Variants in TAF3 observed in about 807,000 individuals in gnomAD.
TAF3 encodes transcription initiation factor TFIID subunit 3.
A neutral mutation model predicts 80.6 loss-of-function variants in TAF3; 7 were observed. That is an observed-to-expected ratio of 0.09 (90% confidence interval 0.05 to 0.16). The LOEUF (loss-of-function observed/expected upper bound fraction) is 0.16, where lower values mean the gene tolerates loss of function less well. Ranked by LOEUF, TAF3 falls within the 10% of genes least tolerant of loss-of-function variation. The pLI is 1.00. For missense variants in TAF3, 921 were observed against 1,140.2 expected (o/e 0.81, Z 2.77); for synonymous variants, 444 against 446.1 (o/e 1.00, Z 0.06).
intron 2 of TAF3, among the ~76,000 whole-genome samples, chr10:7,891,032 G>A (rs1837453169): frequency 1.3e-5 from 2 of 152,212 alleles, no homozygotes; most frequent in Admixed American, 6.5e-5. Context: ...TTGAATTGGG[G>A]CCCCGCCCTT....
At chr10:7,933,078 G>C (rs896241174) in intron 2 of TAF3, among the ~76,000 whole-genome samples, 1 of 133,692 alleles carries the variant, frequency 7.5e-6, no homozygotes, top group African/African-American at 2.6e-5. Context: ...TTAAAAGAAG[G>C]GGGGATAAGA....
chr10:7,852,518 A>T (rs1314033122), intron 2 of TAF3, among the ~76,000 whole-genome samples: 1 of 152,000 alleles, frequency 6.6e-6, no homozygotes, highest in Non-Finnish European at 1.5e-5. Context: ...TGGCATCCTA[A>T]TGGTTTTGTT....
intron 4 of TAF3, among the ~76,000 whole-genome samples, chr10:7,999,515 G>A (rs150871934): frequency 0.015 from 2,168 of 148,822 alleles, 56 homozygotes; most frequent in African/African-American, 0.051. Context: ...GGAGTGCAAA[G>A]GTGTGATCTT....
intron 2 of TAF3, among the ~76,000 whole-genome samples, chr10:7,947,417 G>T (rs111432401): frequency 0.011 from 1,668 of 152,284 alleles, 20 homozygotes; most frequent in Middle Eastern, 0.031. Context: ...TTGCATTTTG[G>T]TGAGGGAGAC....
Position 7,824,364 on chromosome 10 carries a change from G to A in TAF3, c.213G>A (p.Gln71=). ...TGGATGATGTTGGTGAAGCTTTCCAGCTGATGGGGGTTAGTCTACATGAAC... is the reference window on the plus strand; with the variant it reads ...TGGATGATGTTGGTGAAGCTTTCCAACTGATGGGGGTTAGTCTACATGAAC... The part of the protein sequence containing the change: ...PILDDVGEAF[Q]LMGVSLHELE... The change falls in exon 2 of 7, where the codon CAG becomes CAA. Residue 71 remains glutamine, a synonymous_variant. Transcript: ENST00000344293. The A allele has an allele frequency of 1.2e-6, 2 of 1,614,118 alleles. No individual in the cohort carries two copies. Among genetic ancestry groups the A allele is most frequent in the Non-Finnish European group, 8.5e-7 (1 of 1,180,004 alleles).
chr10:7,990,191 T>C (rs999071082), intron 4 of TAF3, among the ~76,000 whole-genome samples: 1 of 152,188 alleles, frequency 6.6e-6, no homozygotes, highest in South Asian at 2.1e-4. Flanking sequence ...TATGAATACG[T>C]GAGTTCTGCT....
intron 3 of TAF3, among the ~76,000 whole-genome samples, chr10:7,972,291 GA>G (rs1418488907): frequency 6.6e-6 from 1 of 152,150 alleles, no homozygotes; most frequent in Non-Finnish European, 1.5e-5. Context: ...AATCCGGGAA[GA>G]AATTTTAATT....
chr10:7,919,062 A>G (rs1381223505), intron 2 of TAF3, among the ~76,000 whole-genome samples: 1 of 152,086 alleles, frequency 6.6e-6, no homozygotes, highest in Non-Finnish European at 1.5e-5. Context: ...CTGGACATAG[A>G]GGAGATTTTG....
chr10:7,858,831 C>CGT (rs1184059652), intron 2 of TAF3, among the ~76,000 whole-genome samples: 2 of 130,866 alleles, frequency 1.5e-5, no homozygotes, highest in Non-Finnish European at 3.5e-5. Flanking sequence ...TGTGTGTGCG[C>CGT]GCGCCTGCAT....
At chr10:7,944,641 G>T (rs1350061684) in intron 2 of TAF3, among the ~76,000 whole-genome samples, 1 of 152,150 alleles carries the variant, frequency 6.6e-6, no homozygotes, top group Admixed American at 6.5e-5. Flanking sequence ...ATAATGGTCA[G>T]TAATGGAATA....
At chr10:7,842,807 G>A (rs1359312710) in intron 2 of TAF3, among the ~76,000 whole-genome samples, 1 of 143,702 alleles carries the variant, frequency 7.0e-6, no homozygotes, top group African/African-American at 2.6e-5. Context: ...AGATATAAAT[G>A]TCGTATATTT....
intron 2 of TAF3, among the ~76,000 whole-genome samples, chr10:7,906,980 TC>T (rs1837613679): frequency 6.6e-6 from 1 of 152,018 alleles, no homozygotes; most frequent in Non-Finnish European, 1.5e-5. Context: ...GTGTAGCCTT[TC>T]CCTAACCCCT....
chr10:7,922,758 TTC>T (rs1741050459), intron 2 of TAF3, among the ~76,000 whole-genome samples: 2 of 152,076 alleles, frequency 1.3e-5, no homozygotes, highest in Non-Finnish European at 1.5e-5. Flanking sequence ...ATAAAAGGTA[TTC>T]TGTTTTCAAG....
intron 2 of TAF3, among the ~76,000 whole-genome samples, chr10:7,927,554 C>T (rs996749707): frequency 2.0e-5 from 3 of 152,102 alleles, no homozygotes; most frequent in African/African-American, 7.2e-5. Context: ...TTGTAGATAA[C>T]GTGGAATCAG....
At chr10:7,847,226 C>T (rs1436944825) in intron 2 of TAF3, among the ~76,000 whole-genome samples, 3 of 152,100 alleles carry the variant, frequency 2.0e-5, no homozygotes, top group Non-Finnish European at 4.4e-5. Flanking sequence ...TCTAGGATGA[C>T]ATCTGATAAT....
chr10:7,892,568 C>A (rs1483054707), intron 2 of TAF3, among the ~76,000 whole-genome samples: 2 of 152,064 alleles, frequency 1.3e-5, no homozygotes, highest in Non-Finnish European at 2.9e-5. Flanking sequence ...CATAGTAAAT[C>A]TTAAACTGGT....
intron 2 of TAF3, among the ~76,000 whole-genome samples, chr10:7,910,966 G>A (rs1837651969): frequency 6.6e-6 from 1 of 152,110 alleles, no homozygotes; most frequent in South Asian, 2.1e-4. Flanking sequence ...GTAGAGCTCT[G>A]GACCCGCTTA....
At chr10:7,823,578 A>G (rs1355498604) in intron 1 of TAF3, among the ~76,000 whole-genome samples, 1 of 151,910 alleles carries the variant, frequency 6.6e-6, no homozygotes, top group East Asian at 1.9e-4. Flanking sequence ...TGAGGCAGCA[A>G]GGAGCTGTGA....
At chr10:7,957,630 A>ATT (rs1194086915) in intron 2 of TAF3, among the ~76,000 whole-genome samples, 1 of 151,568 alleles carries the variant, frequency 6.6e-6, no homozygotes, top group East Asian at 1.9e-4. Flanking sequence ...AATTTTTTAA[A>ATT]TTTTTTTTTC....
Sources: gnomAD v4.1 joint callset for allele counts (sites outside exome capture counted in the v4.1 genomes callset) on GRCh38, gnomAD v4.1.1 for gene constraint, MANE v1.5 for transcripts, NCBI Gene and HGNC (gene_info 2026-07-23, HGNC 2026-07-21) for gene names.